The following CCNY variants were observed in gnomAD, a reference collection of about 807,000 sequenced individuals.
The protein encoded by CCNY is cyclin-Y.
CCNY carries 19 observed loss-of-function variants against 42.8 expected under a neutral mutation model. The observed-to-expected ratio is 0.44, with a 90% CI of 0.31 to 0.65. CCNY has a LOEUF of 0.65. Among genes scored for constraint, CCNY ranks in the 30% least tolerant of loss-of-function variants. CCNY has a pLI of 0.07. For synonymous variants in CCNY, 165 were observed against 162.7 expected, an observed-to-expected ratio of 1.01 and a Z score of -0.11; for missense variants, 370 against 437.3, an observed-to-expected ratio of 0.85 and a Z score of 1.37.
At chr10:35,547,665 G>A (rs1046008969) in intron 7 of CCNY, among the ~76,000 whole-genome samples, 2 of 152,166 alleles carry the variant, frequency 1.3e-5, no homozygotes, top group African/African-American at 4.8e-5. Context: ...CTGGAAATCT[G>A]CCCTTTCATA....
intron 1 of CCNY, among the ~76,000 whole-genome samples, chr10:35,365,169 T>C (rs1836782757): frequency 6.6e-6 from 1 of 152,230 alleles, no homozygotes; most frequent in African/African-American, 2.4e-5. Flanking sequence ...TATGGAGTTA[T>C]ACATGAGATA....
intron 1 of CCNY, among the ~76,000 whole-genome samples, chr10:35,440,133 G>A (rs956596682): frequency 6.6e-6 from 1 of 152,150 alleles, no homozygotes; most frequent in African/African-American, 2.4e-5. Context: ...TGGCGCCTGT[G>A]GAGTAGAGTG....
At chr10:35,365,232 T>A (rs529010415) in intron 1 of CCNY, among the ~76,000 whole-genome samples, 2 of 152,284 alleles carry the variant, frequency 1.3e-5, no homozygotes, top group South Asian at 2.1e-4. Flanking sequence ...CTTTTGAAAT[T>A]GAAAGAAAGC....
chr10:35,393,810 C>T (rs1379627748), intron 1 of CCNY, among the ~76,000 whole-genome samples: 3 of 151,028 alleles, frequency 2.0e-5, no homozygotes, highest in Non-Finnish European at 3.0e-5. Flanking sequence ...TGTGTGGGCA[C>T]GGTGGCACGC....
Position 35,336,834 on chromosome 10 carries a change from C to A in CCNY, c.-220C>A, listed in dbSNP as rs1836044310. 1 of 148,700 alleles carries A rather than the reference C, an allele frequency of 6.7e-6. No homozygotes were observed. The highest frequency in any genetic ancestry group is 1.8e-4 in the South Asian group (1 of 5,566). The allele number at this position is 148,700 out of a possible 1,614,324, so 9.2% of individuals were successfully genotyped here. ...CCGGCCGAGGGGGAGCCGGGGCCGT[C>A]GCCCGCTCGTCGCCGCCGCCGCCGC... On this transcript the variant is annotated 5_prime_UTR_variant, in exon 1 of 10. Coordinates refer to ENST00000374704, the MANE Select transcript of CCNY (RefSeq NM_145012.6).
chr10:35,516,250 T>A (rs1266552683), intron 3 of CCNY, among the ~76,000 whole-genome samples: 1 of 152,242 alleles, frequency 6.6e-6, no homozygotes, highest in Non-Finnish European at 1.5e-5. Context: ...CTCTGAAACA[T>A]GCTTTTTGAT....
intron 1 of CCNY, among the ~76,000 whole-genome samples, chr10:35,400,980 T>C (rs1379337030): frequency 6.6e-6 from 1 of 152,238 alleles, no homozygotes; most frequent in Non-Finnish European, 1.5e-5. Context: ...GAAGAGACTT[T>C]CTCAAATGTA....
chr10:35,474,267 T>G (rs1182161425), intron 1 of CCNY, among the ~76,000 whole-genome samples: 2 of 152,166 alleles, frequency 1.3e-5, no homozygotes, highest in East Asian at 1.9e-4. Context: ...CACAGCAGCC[T>G]GGAAGCTCGA....
At chr10:35,417,478 T>C (rs1365262209) in intron 1 of CCNY, among the ~76,000 whole-genome samples, 1 of 152,218 alleles carries the variant, frequency 6.6e-6, no homozygotes, top group East Asian at 1.9e-4. Context: ...TGAAATGATG[T>C]ATGAGGGAAA....
intron 1 of CCNY, among the ~76,000 whole-genome samples, chr10:35,469,991 GAC>G (rs1396907859): frequency 1.3e-5 from 2 of 149,204 alleles, no homozygotes; most frequent in Non-Finnish European, 3.0e-5. Context: ...GCAGTGGAGA[GAC>G]AGACAGGGAG....
intron 3 of CCNY, chr10:35,501,739 C>T (rs1840114354): frequency 3.8e-6 from 2 of 521,560 alleles, no homozygotes; most frequent in South Asian, 3.1e-5. Flanking sequence ...TTCCAGAAGC[C>T]CTAGACCACT....
intron 9 of CCNY, among the ~76,000 whole-genome samples, chr10:35,568,048 G>A (rs1841606451): frequency 6.6e-6 from 1 of 152,214 alleles, no homozygotes; most frequent in Admixed American, 6.5e-5. Flanking sequence ...CACCAGCTAT[G>A]GCTCTAGTGG....
At chr10:35,340,946 C>G (rs1054175250) in intron 1 of CCNY, among the ~76,000 whole-genome samples, 1 of 152,196 alleles carries the variant, frequency 6.6e-6, no homozygotes, top group Non-Finnish European at 1.5e-5. Context: ...TCTGCTGCTG[C>G]TCTTCTGGAG....
Position 35,456,118 on chromosome 10 carries a change from A to G in CCNY, c.155-27286A>G, listed in dbSNP as rs143428709. Among the ~76,000 whole-genome samples, 559 of 152,210 alleles carry G rather than the reference A, an allele frequency of 3.7e-3. 5 individuals carry two copies. The highest frequency in any genetic ancestry group is 0.013 in the African/African-American group (523 of 41,522). On this transcript the variant is annotated intron_variant, in intron 1 of 9. Transcript: ENST00000374704. Reference sequence around the variant, plus strand: ...GCTCAGGTTTTGCAGGAGAGTGACAATTGTATGTACTGGTGTGTGTGTAAT... The same window carrying G: ...GCTCAGGTTTTGCAGGAGAGTGACAGTTGTATGTACTGGTGTGTGTGTAAT...
At chr10:35,538,439 A>C (rs1037291451) in intron 7 of CCNY, among the ~76,000 whole-genome samples, 1 of 152,198 alleles carries the variant, frequency 6.6e-6, no homozygotes, top group Non-Finnish European at 1.5e-5. Flanking sequence ...CAACATAATG[A>C]GATTTTCAGT....
chr10:35,339,428 T>A (rs1219559766), intron 1 of CCNY, among the ~76,000 whole-genome samples: 1 of 152,206 alleles, frequency 6.6e-6, no homozygotes, highest in Non-Finnish European at 1.5e-5. Context: ...AGAGTGTATA[T>A]ATATACACAC....
chr10:35,427,168 CCAG>C (rs1838290158), intron 1 of CCNY, among the ~76,000 whole-genome samples: 1 of 152,226 alleles, frequency 6.6e-6, no homozygotes, highest in Non-Finnish European at 1.5e-5. Context: ...AGCTGCAGCA[CCAG>C]CTGCCCCTGG....
At chr10:35,436,646 T>C (rs1838540378) in intron 1 of CCNY, among the ~76,000 whole-genome samples, 1 of 152,214 alleles carries the variant, frequency 6.6e-6, no homozygotes, top group Admixed American at 6.5e-5. Context: ...CTCCATGACT[T>C]TGAGATCCTT....
chr10:35,313,461 C>T (rs528257869), intron 3 of CCNY, among the ~76,000 whole-genome samples: 18 of 152,308 alleles, frequency 1.2e-4, no homozygotes, highest in East Asian at 1.2e-3. Flanking sequence ...CCCGAGTTTG[C>T]GTCTGTTTCA....
Sources: allele counts gnomAD v4.1 joint callset (sites outside exome capture counted in the v4.1 genomes callset), GRCh38; gene constraint gnomAD v4.1.1; transcripts MANE v1.5; gene names NCBI Gene and HGNC (gene_info 2026-07-23, HGNC 2026-07-21).